The following NRXN3 variants were observed in gnomAD, a reference collection of about 807,000 sequenced individuals.
NRXN3 encodes neurexin III.
A neutral mutation model predicts 137.6 loss-of-function variants in NRXN3; 32 were observed. The ratio of observed to expected loss-of-function variants is 0.23; its 90% confidence interval spans 0.18 to 0.31. The LOEUF is 0.31. NRXN3 is among the 10% of genes least tolerant of loss of function. The pLI, the probability that NRXN3 is intolerant of heterozygous loss-of-function variation, is 1.00. For missense variants in NRXN3, 1,574 were observed against 2,062.5 expected (o/e 0.76, Z 4.59); for synonymous variants, 798 against 784.5 (o/e 1.02, Z -0.29).
chr14:78,471,616 G>T (rs2095274293), intron 4 of NRXN3, among the ~76,000 whole-genome samples: 1 of 152,080 alleles, frequency 6.6e-6, no homozygotes, highest in Non-Finnish European at 1.5e-5. Flanking sequence ...TGGGTACCAG[G>T]GTTGAATGTT....
At chr14:79,185,590 C>T (rs775170303) in intron 15 of NRXN3, among the ~76,000 whole-genome samples, 13 of 151,928 alleles carry the variant, frequency 8.6e-5, no homozygotes, top group South Asian at 4.2e-4. Flanking sequence ...CTCAGCCTCC[C>T]GAGTAGCTGG....
intron 10 of NRXN3, among the ~76,000 whole-genome samples, chr14:78,936,616 G>T (rs2099339920): frequency 6.6e-6 from 1 of 152,090 alleles, no homozygotes; most frequent in Non-Finnish European, 1.5e-5. Context: ...ATGTTTTAAT[G>T]GGTCTACTCA....
intron 4 of NRXN3, among the ~76,000 whole-genome samples, chr14:78,312,212 A>G (rs2078056135): frequency 6.6e-6 from 1 of 152,316 alleles, no homozygotes; most frequent in Admixed American, 6.5e-5. Flanking sequence ...CTCTTAAATT[A>G]CTAGTCTGCC....
intron 14 of NRXN3, among the ~76,000 whole-genome samples, chr14:78,984,689 C>T (rs1432634450): frequency 6.6e-6 from 1 of 152,136 alleles, no homozygotes; most frequent in Non-Finnish European, 1.5e-5. Flanking sequence ...CAATTCTGCC[C>T]CCAGTCAGTA....
At chr14:78,651,117 C>T (rs781076650) in intron 5 of NRXN3, 48 bp from the exon 6 acceptor site, 53 of 1,576,812 alleles carry the variant, frequency 3.4e-5, no homozygotes, top group South Asian at 2.0e-4. Flanking sequence ...ATGATAGGAT[C>T]GTAAGGTCAT....
At position 79,623,833 on chromosome 14, in the gene NRXN3, T is replaced by C. The variant is rs150016817; in HGVS notation, c.3445-39945T>C. On this transcript the variant is annotated intron_variant, in intron 16 of 20. Transcript: ENST00000335750. ...TTCTAGAAACCATGAAAGAAATCAC[T>C]GAGTCCTTAGCTCCTGTTTTTTTTT... 6.6e-3 allele frequency among the ~76,000 whole-genome samples: 987 copies of C among 150,518 alleles called. 19 individuals carry two copies. The highest frequency in any genetic ancestry group is 0.012 in the Admixed American group (182 of 15,122).
intron 6 of NRXN3, among the ~76,000 whole-genome samples, chr14:78,658,178 G>C (rs1004397138): frequency 1.3e-5 from 2 of 152,142 alleles, no homozygotes; most frequent in African/African-American, 4.8e-5. Context: ...ACCCAAGTGA[G>C]GCTTTTAGAA....
intron 10 of NRXN3, among the ~76,000 whole-genome samples, chr14:78,923,856 A>G (rs2099277761): frequency 6.6e-6 from 1 of 152,132 alleles, no homozygotes; most frequent in African/African-American, 2.4e-5. Context: ...TAATTCCTTA[A>G]CCTGCTCTTT....
intron 8 of NRXN3, among the ~76,000 whole-genome samples, chr14:78,726,969 A>AC (rs1177348046): frequency 2.6e-5 from 4 of 151,738 alleles, no homozygotes; most frequent in Non-Finnish European, 5.9e-5. Flanking sequence ...TAAAAAAAAA[A>AC]AAAAAAAAAC....
At chr14:78,390,285 A>G (rs1188322721) in intron 4 of NRXN3, among the ~76,000 whole-genome samples, 3 of 152,200 alleles carry the variant, frequency 2.0e-5, no homozygotes, top group African/African-American at 7.2e-5. Flanking sequence ...ATTGGAACAC[A>G]GCGATATTTA....
At chr14:78,627,600 A>C (rs2097479020) in intron 4 of NRXN3, among the ~76,000 whole-genome samples, 1 of 152,180 alleles carries the variant, frequency 6.6e-6, no homozygotes, top group Non-Finnish European at 1.5e-5. Context: ...GGAATTAGGA[A>C]TCTAACATCC....
In NRXN3 at chr14:79,862,073, T is replaced by G; in HGVS notation, c.*109T>G. On this transcript the variant is annotated 3_prime_UTR_variant, in exon 21 of 21. Transcript: ENST00000335750. Reference sequence around the variant, plus strand: ...TGTCAGAACTGCTGGAACTATGAAATGGGGTATATAACCACGACTCTGGTG... The same window carrying G: ...TGTCAGAACTGCTGGAACTATGAAAGGGGGTATATAACCACGACTCTGGTG... 5.3e-6 allele frequency: 5 copies of G among 935,910 alleles called. No individual in the cohort carries two copies. The highest frequency in any genetic ancestry group is 6.4e-6 in the Non-Finnish European group (4 of 626,314). The allele number at this position is 935,910 out of a possible 1,614,324, so 58.0% of individuals were successfully genotyped here.
intron 2 of NRXN3, among the ~76,000 whole-genome samples, chr14:78,276,424 T>C (rs1416938415): frequency 1.3e-5 from 2 of 152,156 alleles, no homozygotes; most frequent in Non-Finnish European, 2.9e-5. Context: ...CAGTGAGCCA[T>C]CTGGTCAATA....
At chr14:78,769,703 G>A (rs2098720540) in intron 8 of NRXN3, among the ~76,000 whole-genome samples, 1 of 152,224 alleles carries the variant, frequency 6.6e-6, no homozygotes, top group African/African-American at 2.4e-5. Context: ...CATGCTGTAA[G>A]GCAGAATAGA....
chr14:78,495,920 A>G (rs2095773791), intron 4 of NRXN3, among the ~76,000 whole-genome samples: 1 of 152,216 alleles, frequency 6.6e-6, no homozygotes, highest in African/African-American at 2.4e-5. Flanking sequence ...CACTGCATCC[A>G]TCTATCCTAA....
At chr14:79,807,562 G>A (rs1407695140) in intron 20 of NRXN3, among the ~76,000 whole-genome samples, 1 of 152,082 alleles carries the variant, frequency 6.6e-6, no homozygotes, top group African/African-American at 2.4e-5. Flanking sequence ...AGGCCACGCA[G>A]GTATTTTCTC....
chr14:78,500,062 GT>G (rs1396114397), intron 4 of NRXN3, among the ~76,000 whole-genome samples: 2 of 152,284 alleles, frequency 1.3e-5, no homozygotes, highest in Admixed American at 1.3e-4. Flanking sequence ...TGAGGCTATC[GT>G]AGTCTGCCAT....
Position 78,803,759 on chromosome 14 carries a change from G to T in NRXN3, c.2184G>T (p.Arg728Ser). The change falls in exon 9 of 21, where the codon AGG (arginine) becomes AGT (serine). Residue 728 changes from arginine to serine, a missense_variant. Coordinates refer to ENST00000335750, the MANE Select transcript of NRXN3 (RefSeq NM_001330195.2). ...GGCTGCTGGTGGCTACGACCTCCAG[G>T]GACTCTGCCGACACCCTGCGTCTGG... The part of the protein sequence containing the change: ...AYGLLVATTS[R>S]DSADTLRLEL... The T allele has an allele frequency of 1.2e-6, 2 of 1,614,046 alleles. No homozygotes were observed. Among genetic ancestry groups the T allele is most frequent in the Non-Finnish European group, 1.7e-6 (2 of 1,179,994 alleles).
At chr14:79,163,903 CAAT>C (rs5809924) in intron 15 of NRXN3, among the ~76,000 whole-genome samples, 31,802 of 151,124 alleles carry the variant, frequency 0.21, 3,710 homozygotes, top group Middle Eastern at 0.26. Flanking sequence ...ACAACAACAA[CAAT>C]AATATTTTCT....
Sources: allele counts gnomAD v4.1 joint callset (sites outside exome capture counted in the v4.1 genomes callset), GRCh38; gene constraint gnomAD v4.1.1; transcripts MANE v1.5; gene names NCBI Gene and HGNC (gene_info 2026-07-23, HGNC 2026-07-21).